Variants in RAB3B observed in about 807,000 individuals in gnomAD.
The protein encoded by RAB3B is ras-related protein Rab-3B.
Under a neutral mutation model 20.5 loss-of-function variants are expected in RAB3B, and 11 were observed. That is an observed-to-expected ratio of 0.54 (90% CI 0.34 to 0.89). RAB3B has a LOEUF of 0.89. Ranked by LOEUF, RAB3B falls within the 40% of genes least tolerant of loss-of-function variation. The pLI is 0.02. For synonymous variants in RAB3B, 99 were observed against 106.3 expected (o/e 0.93, Z 0.42); for missense variants, 225 against 280.9 (o/e 0.80, Z 1.42).
rs377673682 is a variant in RAB3B, at chr1:51,989,103, G to GCGCGCACACACA, written c.-1+1448_-1+1449insTGTGTGTGCGCG. Among the ~76,000 whole-genome samples, 360 of 132,750 alleles carry GCGCGCACACACA rather than the reference G, an allele frequency of 2.7e-3. 3 individuals are homozygous for GCGCGCACACACA. The highest frequency in any genetic ancestry group is 8.7e-3 in the African/African-American group (312 of 35,912). 87.1% of individuals were successfully genotyped at this position (132,750 alleles called of 152,430 possible). The stretch of plus-strand genomic sequence containing the variant: ...CAGGTGGACACCCACCTGTGCGCGC[G>GCGCGCACACACA]CACACACACACACACACACACACAC... On this transcript the variant is annotated intron_variant, in intron 1 of 4. Transcript: ENST00000371655.
rs34922023 is a variant in RAB3B at position 51,908,741 on chromosome 1, A to T, written c.*11186T>A. The T allele has an allele frequency of 0.13, 19,498 of 151,898 alleles. 1,715 individuals carry two copies. Among genetic ancestry groups the T allele is most frequent in the African/African-American group, 0.25 (10,393 of 41,334 alleles). The allele number at this position is 151,898 out of a possible 1,614,324, so 9.4% of individuals were successfully genotyped here. On this transcript the variant is annotated 3_prime_UTR_variant, in exon 5 of 5. Transcript: ENST00000371655. Reference sequence around the variant, plus strand: ...AATTAGGACTGCCCACTGCGGGGGGAACAGACCCTCCCCTGTTCTGAGACT... The same window carrying T: ...AATTAGGACTGCCCACTGCGGGGGGTACAGACCCTCCCCTGTTCTGAGACT...
At chr1:51,979,867 C>T (rs1685061241) in intron 1 of RAB3B, among the ~76,000 whole-genome samples, 3 of 151,254 alleles carry the variant, frequency 2.0e-5, no homozygotes, top group Admixed American at 2.0e-4. Context: ...CACGGTGAAA[C>T]CCCATCTCTA....
chr1:51,926,777 A>G (rs17106878), intron 4 of RAB3B, among the ~76,000 whole-genome samples: 7,239 of 152,280 alleles, frequency 0.048, 273 homozygotes, highest in Middle Eastern at 0.12. Context: ...GGGGCCTGCC[A>G]TCTACTACTT....
At chr1:51,953,097 T>C (rs970450609) in intron 2 of RAB3B, among the ~76,000 whole-genome samples, 5 of 152,232 alleles carry the variant, frequency 3.3e-5, no homozygotes, top group African/African-American at 4.8e-5. Flanking sequence ...TCTGGGCATA[T>C]AGCAGTATTC....
At chr1:51,934,635 G>A (rs1033404191) in intron 3 of RAB3B, among the ~76,000 whole-genome samples, 5 of 151,862 alleles carry the variant, frequency 3.3e-5, no homozygotes, top group African/African-American at 1.2e-4. Flanking sequence ...AATTAGCTGG[G>A]CATGGTGGCA....
rs1684088080 is a variant in RAB3B, at chr1:51,916,549, C to T, written c.*3378G>A. 1 of 152,262 alleles carries T rather than the reference C, an allele frequency of 6.6e-6. No individual in the cohort carries two copies. The highest frequency in any genetic ancestry group is 1.5e-5 in the Non-Finnish European group (1 of 68,068). The allele number at this position is 152,262 out of a possible 1,614,324, so 9.4% of individuals were successfully genotyped here. ...AAATCACACCCAGAACCACTGCCCT[C>T]TGAAGCAACTGTATTATACCCATGG... On this transcript the variant is annotated 3_prime_UTR_variant, in exon 5 of 5. Transcript: ENST00000371655.
rs1046831104 is a variant in RAB3B, at chr1:51,916,558, C to T, written c.*3369G>A. 1.3e-5 allele frequency: 2 copies of T among 152,238 alleles called. No homozygotes were observed. The highest frequency in any genetic ancestry group is 2.9e-5 in the Non-Finnish European group (2 of 68,052). The allele number at this position is 152,238 out of a possible 1,614,324, so 9.4% of individuals were successfully genotyped here. ...CCAGAACCACTGCCCTCTGAAGCAA[C>T]TGTATTATACCCATGGTCAGAAAAG... On this transcript the variant is annotated 3_prime_UTR_variant, in exon 5 of 5. Coordinates refer to ENST00000371655, the MANE Select transcript of RAB3B (RefSeq NM_002867.4).
At chr1:51,979,538 T>C (rs1352200588) in intron 1 of RAB3B, among the ~76,000 whole-genome samples, 2 of 151,898 alleles carry the variant, frequency 1.3e-5, no homozygotes, top group Admixed American at 6.6e-5. Flanking sequence ...CCCAAAGTGC[T>C]AGGATTACAG....
intron 2 of RAB3B, among the ~76,000 whole-genome samples, chr1:51,938,005 T>TC (rs925967408): frequency 1.4e-5 from 2 of 147,374 alleles, no homozygotes; most frequent in African/African-American, 2.5e-5. Flanking sequence ...TCTTTTTTTT[T>TC]TTTTTTTTTT....
intron 3 of RAB3B, 82 bp from the exon 4 acceptor site, chr1:51,933,524 G>A: frequency 6.6e-6 from 9 of 1,355,586 alleles, no homozygotes; most frequent in Non-Finnish European, 9.2e-6. Context: ...TTTACATGTT[G>A]AAGCCTAATC....
At chr1:51,967,521 C>CTTTTTTTTTGTTTTTTTT (rs1684871040) in intron 2 of RAB3B, among the ~76,000 whole-genome samples, 1 of 36,496 alleles carries the variant, frequency 2.7e-5, no homozygotes, top group Non-Finnish European at 5.7e-5. Flanking sequence ...TTTTCTTTTT[C>CTTTTTTTTTGTTTTTTTT]TTTTTTTTTT....
intron 3 of RAB3B, 25 bp downstream of exon 3, chr1:51,937,265 AAATG>A (rs1168825197): frequency 6.6e-6 from 10 of 1,517,206 alleles, no homozygotes; most frequent in South Asian, 2.3e-5. Flanking sequence ...ACAGTTTGTT[AAATG>A]AATGAATGAA....
At chr1:51,928,200 C>T (rs997626148) in intron 4 of RAB3B, among the ~76,000 whole-genome samples, 7 of 152,114 alleles carry the variant, frequency 4.6e-5, no homozygotes, top group African/African-American at 9.7e-5. Context: ...TCCGCCTCCC[C>T]GGTTCAGGCG....
intron 1 of RAB3B, chr1:51,980,818 T>C: frequency 1.3e-6 from 1 of 745,128 alleles, no homozygotes; most frequent in Non-Finnish European, 2.5e-6. Flanking sequence ...AAAGCCCATG[T>C]AAGGAGCTGA....
At position 51,918,772 on chromosome 1, in the gene RAB3B, G is replaced by A. The variant is rs1469900710; in HGVS notation, c.*1155C>T. 3 of 152,188 alleles carry A rather than the reference G, an allele frequency of 2.0e-5. No individual in the cohort carries two copies. Among genetic ancestry groups the A allele is most frequent in the Non-Finnish European group, 4.4e-5 (3 of 68,040 alleles). 9.4% of individuals were successfully genotyped at this position (152,188 alleles called of 1,614,324 possible). On this transcript the variant is annotated 3_prime_UTR_variant, in exon 5 of 5. Coordinates refer to ENST00000371655, the MANE Select transcript of RAB3B (RefSeq NM_002867.4). The stretch of plus-strand genomic sequence containing the variant: ...TCAAATCTAAAATCCTCAGGTTCTA[G>A]GAGTCTAAGAACTAATAACCAATTT...
chr1:51,957,784 A>T (rs1303298163), intron 2 of RAB3B, among the ~76,000 whole-genome samples: 2 of 152,174 alleles, frequency 1.3e-5, no homozygotes, highest in Non-Finnish European at 2.9e-5. Flanking sequence ...GGAGCCCAAG[A>T]AAGCAGGGCT....
chr1:51,951,309 C>T (rs1684638273), intron 2 of RAB3B, among the ~76,000 whole-genome samples: 1 of 152,130 alleles, frequency 6.6e-6, no homozygotes, highest in Admixed American at 6.6e-5. Flanking sequence ...CCAATGCAGA[C>T]ATTTTAGAAC....
intron 1 of RAB3B, chr1:51,980,464 G>A: frequency 3.2e-6 from 2 of 619,442 alleles, no homozygotes; most frequent in Admixed American, 2.2e-5. Context: ...TCCAGTCCAT[G>A]CCTCCAAGAT....
chr1:51,950,235 C>G (rs1684620037), intron 2 of RAB3B, among the ~76,000 whole-genome samples: 1 of 152,216 alleles, frequency 6.6e-6, no homozygotes, highest in African/African-American at 2.4e-5. Context: ...GCAGTCCAGG[C>G]TGTTTTTGGC....
Sources: gnomAD v4.1 joint callset for allele counts (sites outside exome capture counted in the v4.1 genomes callset) on GRCh38, gnomAD v4.1.1 for gene constraint, MANE v1.5 for transcripts, NCBI Gene and HGNC (gene_info 2026-07-23, HGNC 2026-07-21) for gene names.